The following RAB3GAP2 variants were observed in gnomAD, a reference collection of about 807,000 sequenced individuals.
RAB3GAP2 encodes the protein RAB3 GTPase activating non-catalytic protein subunit 2.
In RAB3GAP2, 87 loss-of-function variants were observed where a neutral mutation model predicts 185.3. The observed-to-expected ratio is 0.47, with a 90% CI of 0.39 to 0.56. The LOEUF (loss-of-function observed/expected upper bound fraction) is 0.56, where lower values mean the gene tolerates loss of function less well. RAB3GAP2 is among the 20% of genes least tolerant of loss of function. RAB3GAP2 has a pLI of 0.00. For missense variants in RAB3GAP2, 1,492 were observed against 1,638.2 expected (o/e 0.91, Z 1.54); for synonymous variants, 554 against 576.1 (o/e 0.96, Z 0.55).
chr1:220,239,152 C>G (rs889166016), intron 1 of RAB3GAP2, among the ~76,000 whole-genome samples: 1 of 152,100 alleles, frequency 6.6e-6, no homozygotes, highest in Non-Finnish European at 1.5e-5. Flanking sequence ...ACAACAAATA[C>G]AAAAGATTAT....
chr1:220,219,386 T>G (rs1375481457), intron 2 of RAB3GAP2: 1 of 152,252 alleles, frequency 6.6e-6, no homozygotes, highest in African/African-American at 2.4e-5. Context: ...ATAAGTGGAT[T>G]TTCACTAACC....
intron 18 of RAB3GAP2, 31 bp downstream of exon 18, chr1:220,185,620 C>T (rs370904754): frequency 1.3e-6 from 2 of 1,530,290 alleles, no homozygotes; most frequent in Non-Finnish European, 9.0e-7. Flanking sequence ...GAGTTAAGAA[C>T]ATAACCTCCA....
In RAB3GAP2 at chr1:220,191,149, G is replaced by T; in HGVS notation, c.1406C>A (p.Ala469Glu). The T allele has an allele frequency of 1.2e-6, 2 of 1,613,962 alleles. No homozygotes were observed. The highest frequency in any genetic ancestry group is 1.7e-6 in the Non-Finnish European group (2 of 1,179,968). ...CACTTCTAAAATTCCCCTTCTTGGC[G>T]CATAGATCACAAGGAATTGAGCTAC... ...SRVAQFLVIYAPRRGILEVWS... is the reference protein window; with the variant it reads ...SRVAQFLVIYEPRRGILEVWS... Residue 469 changes from alanine to glutamate, a missense_variant, in exon 14 of 35, where the codon GCG becomes GAG. Physicochemically the swap from Ala to Glu is moderately radical, Grantham distance 107. Around this residue, in one of 5 missense-constraint regions of RAB3GAP2, gnomAD observed 681 missense variants for 689.1 expected, o/e 0.99. Transcript: ENST00000358951.
rs181944656 is a variant in RAB3GAP2 at position 220,272,005 on chromosome 1, G to A, written c.115+218C>T. On this transcript the variant is annotated intron_variant, in intron 1 of 34. Transcript: ENST00000358951. ...ACGCAGTTTTTAGCCAGGGGTCAGA[G>A]GGCCTAAGGAGAAAAGCTGGGTCGA... Among the ~76,000 whole-genome samples, 90 of 152,080 alleles carry A rather than the reference G, an allele frequency of 5.9e-4. 1 individual carries two copies. The highest frequency in any genetic ancestry group is 5.2e-3 in the Admixed American group (79 of 15,272).
chr1:220,174,034 A>G (rs982835561), intron 21 of RAB3GAP2, among the ~76,000 whole-genome samples: 20 of 151,368 alleles, frequency 1.3e-4, no homozygotes, highest in South Asian at 2.1e-4. Context: ...AAAAAAAAAA[A>G]AAAAGAAAAG....
chr1:220,271,879 G>C (rs888773647), intron 1 of RAB3GAP2, among the ~76,000 whole-genome samples: 1 of 139,494 alleles, frequency 7.2e-6, no homozygotes, highest in African/African-American at 2.6e-5. Context: ...CCAGGCTGAA[G>C]ATGGGAGACG....
chr1:220,179,260 A>C (rs1658356104), intron 21 of RAB3GAP2, among the ~76,000 whole-genome samples: 1 of 151,020 alleles, frequency 6.6e-6, no homozygotes, highest in Non-Finnish European at 1.5e-5. Flanking sequence ...AAAAAAAAAA[A>C]AAAAAAAGAA....
rs2102859411 is a variant in RAB3GAP2, at chr1:220,171,977, T to C, written c.2489A>G (p.Gln830Arg). ...WWQQMRTACI[Q>R]SENNGAALLS... is the part of the protein sequence containing the mutation. ...CAGAGCGGCTCCATTGTTCTCAGACTGAATACAGGCTGTGCGCATCTGCTG... is the reference window on the plus strand; with the variant it reads ...CAGAGCGGCTCCATTGTTCTCAGACCGAATACAGGCTGTGCGCATCTGCTG... Residue 830 changes from glutamine to arginine, a missense_variant, in exon 23 of 35, where the codon CAG becomes CGG. Physicochemically the swap from Gln to Arg is conservative, Grantham distance 43. Transcript: ENST00000358951. 1 of 1,614,196 alleles carries C rather than the reference T, an allele frequency of 6.2e-7. No homozygotes were observed. Among genetic ancestry groups the C allele is most frequent in the Non-Finnish European group, 8.5e-7 (1 of 1,180,032 alleles).
At chr1:220,262,970 C>CT (rs530788403) in intron 1 of RAB3GAP2, among the ~76,000 whole-genome samples, 14,881 of 145,658 alleles carry the variant, frequency 0.1, 1,101 homozygotes, top group African/African-American at 0.21. Context: ...TATCCTGATA[C>CT]TTTTTTTTTT....
chr1:220,193,091 T>C (rs2102870795), intron 13 of RAB3GAP2, 149 bp downstream of exon 13: 1 of 888,330 alleles, frequency 1.1e-6, no homozygotes, highest in Non-Finnish European at 1.8e-6. Context: ...GACCAAGTGG[T>C]TGCTGATCTG....
At chr1:220,204,848 G>T (rs564165392) in intron 8 of RAB3GAP2, among the ~76,000 whole-genome samples, 119 of 147,098 alleles carry the variant, frequency 8.1e-4, no homozygotes, top group African/African-American at 2.7e-3. Context: ...TTGGTTTTTT[G>T]TCCTTGCGAT....
intron 1 of RAB3GAP2, among the ~76,000 whole-genome samples, chr1:220,262,338 CAT>C (rs1379309558): frequency 6.6e-6 from 1 of 151,792 alleles, no homozygotes; most frequent in East Asian, 1.9e-4. Flanking sequence ...AACAAAAAAA[CAT>C]AAAATTTATC....
intron 27 of RAB3GAP2, among the ~76,000 whole-genome samples, chr1:220,163,381 T>TG (rs1657999769): frequency 6.6e-6 from 1 of 151,280 alleles, no homozygotes; most frequent in Admixed American, 6.6e-5. Flanking sequence ...TTTTTTTTTT[T>TG]TTTGAGACGG....
At chr1:220,220,752 C>T (rs754596039) in intron 2 of RAB3GAP2, among the ~76,000 whole-genome samples, 21 of 152,188 alleles carry the variant, frequency 1.4e-4, no homozygotes, top group Admixed American at 9.2e-4. Context: ...TCACAAGTTC[C>T]GATGGTTTTA....
At chr1:220,223,945 G>C (rs1447949411) in intron 2 of RAB3GAP2, among the ~76,000 whole-genome samples, 1 of 138,520 alleles carries the variant, frequency 7.2e-6, no homozygotes, top group African/African-American at 2.7e-5. Flanking sequence ...GGTCGAGGCT[G>C]AAGTGAGCCA....
chr1:220,189,885 T>G, intron 16 of RAB3GAP2, 118 bp from the exon 17 acceptor site: 1 of 1,099,460 alleles, frequency 9.1e-7, no homozygotes, highest in East Asian at 2.6e-5. Flanking sequence ...TTGGGTTCTC[T>G]CACATTAATG....
At chr1:220,229,711 A>G (rs557252410) in intron 2 of RAB3GAP2, among the ~76,000 whole-genome samples, 11 of 152,360 alleles carry the variant, frequency 7.2e-5, no homozygotes, top group African/African-American at 2.6e-4. Flanking sequence ...AGATGTGGCC[A>G]TCTGGGTCTG....
intron 8 of RAB3GAP2, 136 bp downstream of exon 8, chr1:220,205,771 A>G: frequency 1.5e-6 from 1 of 680,316 alleles, no homozygotes. Flanking sequence ...CCCTTTCTCT[A>G]CAGAAGGCAG....
chr1:220,260,843 A>G (rs182457148), intron 1 of RAB3GAP2, among the ~76,000 whole-genome samples: 42 of 152,320 alleles, frequency 2.8e-4, no homozygotes, highest in African/African-American at 9.9e-4. Flanking sequence ...GTGCTGCTCA[A>G]TATGGTAGCC....
Sources: allele counts gnomAD v4.1 joint callset (sites outside exome capture counted in the v4.1 genomes callset), GRCh38; gene constraint gnomAD v4.1.1; regional missense constraint gnomAD v4.1.1; transcripts MANE v1.5; gene names NCBI Gene and HGNC (gene_info 2026-07-23, HGNC 2026-07-21).